The following DAB1 variants were observed in gnomAD, a reference collection of about 807,000 sequenced individuals.
DAB1 encodes the protein DAB adaptor protein 1, also known as disabled homolog 1.
In DAB1, 15 loss-of-function variants were observed where a neutral mutation model predicts 64.6. The observed-to-expected ratio is 0.23, with a 90% confidence interval of 0.16 to 0.36. DAB1 has a LOEUF of 0.36. DAB1 is among the 10% of genes least tolerant of loss of function. The pLI, the probability that DAB1 is intolerant of heterozygous loss-of-function variation, is 1.00. For missense variants in DAB1, 596 were observed against 706.7 expected, an observed-to-expected ratio of 0.84 and a Z score of 1.78; for synonymous variants, 235 against 251.9, an observed-to-expected ratio of 0.93 and a Z score of 0.64.
chr1:57,179,547 C>T (rs1349088114), intron 2 of DAB1, among the ~76,000 whole-genome samples: 1 of 152,130 alleles, frequency 6.6e-6, no homozygotes, highest in Non-Finnish European at 1.5e-5. Flanking sequence ...TGGCAGATCT[C>T]GTCTCCATTT....
chr1:57,868,833 C>T (rs1257295432), intron 1 of DAB1, among the ~76,000 whole-genome samples: 1 of 152,118 alleles, frequency 6.6e-6, no homozygotes, highest in African/African-American at 2.4e-5. Flanking sequence ...CTTATTGGTA[C>T]CCAGTGCTTT....
chr1:58,530,122 C>T (rs1046936892), intron 1 of DAB1, among the ~76,000 whole-genome samples: 1 of 152,156 alleles, frequency 6.6e-6, no homozygotes, highest in African/African-American at 2.4e-5. Flanking sequence ...ACTTCGTGAT[C>T]CACCCACCTT....
Position 58,175,770 on chromosome 1 carries a change from G to A in DAB1, n.310-25182C>T, listed in dbSNP as rs373510326. 4.5e-4 allele frequency among the ~76,000 whole-genome samples: 69 copies of A among 152,178 alleles called. 1 individual carries two copies. The highest frequency in any genetic ancestry group is 1.6e-3 in the African/African-American group (68 of 41,502). ...CAGAAAGTTAAATAACTTTCTCAAGGTCATCCTTCCAGCTAATAATGGCAG... is the reference window on the plus strand; with the variant it reads ...CAGAAAGTTAAATAACTTTCTCAAGATCATCCTTCCAGCTAATAATGGCAG... On this transcript the variant is annotated intron_variant and non_coding_transcript_variant, in intron 4 of 20. Coordinates refer to the DAB1 transcript ENST00000485760.
At chr1:57,567,012 A>G (rs1570634067) in intron 7 of DAB1, among the ~76,000 whole-genome samples, 1 of 152,234 alleles carries the variant, frequency 6.6e-6, no homozygotes, top group Non-Finnish European at 1.5e-5. Flanking sequence ...ATGAACGTCA[A>G]TGCAAAAATC....
intron 2 of DAB1, among the ~76,000 whole-genome samples, chr1:58,510,744 A>AT (rs1407376479): frequency 5.3e-5 from 8 of 152,014 alleles, no homozygotes; most frequent in Non-Finnish European, 1.0e-4. Flanking sequence ...ACAAAAAAAA[A>AT]CCCTGCTAGA....
intron 1 of DAB1, among the ~76,000 whole-genome samples, chr1:57,856,490 C>T (rs552580844): frequency 6.6e-6 from 1 of 152,276 alleles, no homozygotes; most frequent in South Asian, 2.1e-4. Context: ...GTGCCAGGCG[C>T]AGTGGCTCAC....
intron 6 of DAB1, among the ~76,000 whole-genome samples, chr1:57,700,567 G>A (rs151003104): frequency 3.2e-4 from 48 of 152,232 alleles, no homozygotes; most frequent in African/African-American, 1.1e-3. Context: ...CAGATGAACC[G>A]AAGCCCCTTT....
intron 14 of DAB1, among the ~76,000 whole-genome samples, chr1:57,008,943 T>C (rs1646179794): frequency 6.6e-6 from 1 of 152,250 alleles, no homozygotes; most frequent in Non-Finnish European, 1.5e-5. Flanking sequence ...ACAGCTCAGC[T>C]GTGGCTTGGG....
chr1:58,218,318 A>G (rs1658964204), intron 4 of DAB1, among the ~76,000 whole-genome samples: 1 of 152,174 alleles, frequency 6.6e-6, no homozygotes. Context: ...AGCCGCCTGG[A>G]GTAGGACACC....
chr1:58,231,036 T>C (rs1449351380), intron 4 of DAB1, among the ~76,000 whole-genome samples: 3 of 152,214 alleles, frequency 2.0e-5, no homozygotes, highest in African/African-American at 7.2e-5. Flanking sequence ...TGGGGACGAT[T>C]ATAGTGCCAA....
intron 3 of DAB1, among the ~76,000 whole-genome samples, chr1:58,471,824 C>T (rs61597642): frequency 0.033 from 5,002 of 152,252 alleles, 171 homozygotes; most frequent in African/African-American, 0.09. Context: ...TTTAAGTTCC[C>T]TGAGGCCTTC....
chr1:57,299,542 A>T (rs570428125), intron 1 of DAB1, among the ~76,000 whole-genome samples: 4 of 152,342 alleles, frequency 2.6e-5, no homozygotes, highest in Non-Finnish European at 5.9e-5. Context: ...TAACTAATGG[A>T]TCACATAGTT....
At chr1:57,288,618 C>A (rs1026197998) in intron 2 of DAB1, among the ~76,000 whole-genome samples, 1 of 152,140 alleles carries the variant, frequency 6.6e-6, no homozygotes, top group African/African-American at 2.4e-5. Context: ...GACTTTCTAG[C>A]CTCCAGATCT....
In DAB1 at chr1:57,064,432, C is replaced by T. The variant is rs557466402; in HGVS notation, c.664-1489G>A. ...CCTATGTGCCAGGCGCTGTTCTAAACATTTGTGTCTTACATACATTCTCAT... is the reference window on the plus strand; with the variant it reads ...CCTATGTGCCAGGCGCTGTTCTAAATATTTGTGTCTTACATACATTCTCAT... On this transcript the variant is annotated intron_variant, in intron 8 of 14. Transcript: ENST00000371236. 2.2e-4 allele frequency among the ~76,000 whole-genome samples: 34 copies of T among 152,274 alleles called. 1 individual carries two copies. Among genetic ancestry groups the T allele is most frequent in the African/African-American group, 7.9e-4 (33 of 41,556 alleles).
At chr1:58,210,765 A>T (rs1039639886) in intron 4 of DAB1, among the ~76,000 whole-genome samples, 2 of 152,144 alleles carry the variant, frequency 1.3e-5, no homozygotes, top group African/African-American at 4.8e-5. Flanking sequence ...AGCATAACTT[A>T]CTTTCCTGTA....
Position 57,388,512 on chromosome 1 carries a change from G to A in DAB1, c.-137+35418C>T, listed in dbSNP as rs141126084. Among the ~76,000 whole-genome samples the A allele has an allele frequency of 2.0e-3, 301 of 152,166 alleles. 2 individuals are homozygous for A. Among genetic ancestry groups the A allele is most frequent in the African/African-American group, 6.8e-3 (282 of 41,488 alleles). On this transcript the variant is annotated intron_variant, in intron 1 of 14. Transcript: ENST00000371236. The stretch of plus-strand genomic sequence containing the variant: ...CTGTACCCCTCCTTTCTGTCCAGCC[G>A]CATGTGCCTGCCCCCAGCTTCATCA...
intron 4 of DAB1, among the ~76,000 whole-genome samples, chr1:57,084,055 G>A (rs765555883): frequency 5.9e-5 from 9 of 152,206 alleles, no homozygotes; most frequent in Non-Finnish European, 1.3e-4. Flanking sequence ...TCATTGTTAA[G>A]TGTTGAATTA....
intron 1 of DAB1, among the ~76,000 whole-genome samples, chr1:57,407,275 G>A (rs1481866458): frequency 1.3e-5 from 2 of 152,190 alleles, no homozygotes; most frequent in East Asian, 1.9e-4. Flanking sequence ...ACAGCAAAAC[G>A]TGACCTAGTT....
intron 3 of DAB1, among the ~76,000 whole-genome samples, chr1:58,492,216 C>A (rs935079851): frequency 6.6e-6 from 1 of 151,982 alleles, no homozygotes; most frequent in Non-Finnish European, 1.5e-5. Flanking sequence ...TTGAAACCAA[C>A]GAGAACAAAG....
Sources: gnomAD v4.1 joint callset for allele counts (sites outside exome capture counted in the v4.1 genomes callset) on GRCh38, gnomAD v4.1.1 for gene constraint, MANE v1.5 for transcripts, NCBI Gene and HGNC (gene_info 2026-07-23, HGNC 2026-07-21) for gene names.